The following KIR3DL1 variants were observed in gnomAD, a reference collection of about 807,000 sequenced individuals.
KIR3DL1 encodes killer cell immunoglobulin like receptor, three Ig domains and long cytoplasmic tail 1.
A neutral mutation model predicts 40.3 loss-of-function variants in KIR3DL1; 50 were observed. That is an observed-to-expected ratio of 1.24 (90% CI 0.99 to 1.57). The LOEUF is 1.57. KIR3DL1 is among the 40% of genes most tolerant of loss of function. KIR3DL1 has a pLI of 0.00. For synonymous variants in KIR3DL1, 257 were observed against 207.2 expected (o/e 1.24, Z -2.07); for missense variants, 661 against 559.9 (o/e 1.18, Z -1.82).
At position 54,817,948 on chromosome 19, in the gene KIR3DL1, G is replaced by A. The variant is rs2061432281; in HGVS notation, c.71-367G>A. Among the ~76,000 whole-genome samples, 5 of 147,568 alleles carry A rather than the reference G, an allele frequency of 3.4e-5. No homozygotes were observed. In the South Asian group the frequency reaches 1.1e-3, roughly 32 times the overall value. On this transcript the variant is annotated intron_variant, in intron 2 of 8. Transcript: ENST00000391728. ...CGGTCTTTCTACCAGAAAAGGTGAGGAAACCACAGCCATGGCCCTGACATT... is the reference window on the plus strand; with the variant it reads ...CGGTCTTTCTACCAGAAAAGGTGAGAAAACCACAGCCATGGCCCTGACATT...
rs1338416256 is a variant in KIR3DL1, at chr19:54,830,040, G to A, written c.1159-59G>A. The A allele has an allele frequency of 7.9e-6, 12 of 1,521,904 alleles. 3 individuals are homozygous for A. The highest frequency in any genetic ancestry group is 1.8e-5 in the Admixed American group (1 of 55,348). 94.3% of individuals were successfully genotyped at this position (1,521,904 alleles called of 1,614,324 possible). A position where few individuals can be genotyped will look rare whatever the true frequency, so the allele number is the denominator to read the frequency against. On this transcript the variant is annotated intron_variant, in intron 8 of 8. Coordinates refer to ENST00000391728, the Ensembl canonical transcript of KIR3DL1. ...TTATTCCCAAACAGTCCTGGAAAAC[G>A]TGAGCACCCTCCCTCACTCAGCATT...
At chr19:54,825,205 C>T in intron 6 of KIR3DL1, 127 bp downstream of exon 6, 1 of 755,002 alleles carries the variant, frequency 1.3e-6, no homozygotes, top group Non-Finnish European at 2.3e-6. Context: ...CTCTGAACTC[C>T]AGACACTCCA....
intron 6 of KIR3DL1, among the ~76,000 whole-genome samples, chr19:54,826,714 C>T (rs1244626836): frequency 6.7e-5 from 10 of 148,874 alleles, no homozygotes; most frequent in African/African-American, 2.5e-4. Flanking sequence ...TAATGAAAAA[C>T]ACGGATTGAA....
At chr19:54,820,476 C>T (rs1230243819) in intron 4 of KIR3DL1, among the ~76,000 whole-genome samples, 1 of 151,538 alleles carries the variant, frequency 6.6e-6, no homozygotes, top group African/African-American at 2.4e-5. Flanking sequence ...ACACCTCTGC[C>T]TTCCATGCAA....
At chr19:54,827,380 CA>C (rs2061957105) in intron 6 of KIR3DL1, among the ~76,000 whole-genome samples, 1 of 150,644 alleles carries the variant, frequency 6.6e-6, no homozygotes, top group Non-Finnish European at 1.5e-5. Flanking sequence ...TCCAAGAAGT[CA>C]GGAGTTCGAG....
chr19:54,819,620 C>G lies in KIR3DL1; in HGVS notation c.356-93C>G, dbSNP rs563696425. On this transcript the variant is annotated intron_variant, in intron 3 of 8. Coordinates refer to ENST00000391728, the Ensembl canonical transcript of KIR3DL1. ...GAGATGCAGAGAGGGAGGAGAGAGA[C>G]AGACACGGGGAGGGGAACCCTCACT... 473 of 1,419,240 alleles carry G rather than the reference C, an allele frequency of 3.3e-4. 15 individuals are homozygous for G. The South Asian group carries it at 3.6e-3, about 11-fold the overall frequency. 87.9% of individuals were successfully genotyped at this position (1,419,240 alleles called of 1,614,324 possible).
At chr19:54,819,786 A>G (rs2061536961) in exon 4 of KIR3DL1, 1 of 1,611,436 alleles carries the variant, frequency 6.2e-7, no homozygotes, top group Non-Finnish European at 8.5e-7. Flanking sequence ...TCATCCTGCA[A>G]TGTTGGTCAG....
chr19:54,821,772 G>A lies in KIR3DL1; in HGVS notation c.863G>A (p.Gly288Glu). The change falls in exon 5 of 9, where the codon GGA becomes GAA. Residue 288 changes from glycine to glutamate, a missense_variant. By Grantham distance (98) the Gly-to-Glu change is moderately conservative. Around this residue, in one of 3 missense-constraint regions of KIR3DL1, gnomAD observed 548 missense variants for 413.3 expected, o/e 1.33. Coordinates refer to ENST00000391728, the Ensembl canonical transcript of KIR3DL1. ...TTCCCTCTGGGCCCTGCCACCCACG[G>A]AGGGACCTACAGATGCTTCGGCTCT... 1.9e-6 allele frequency: 3 copies of A among 1,607,690 alleles called. 1 individual carries two copies. The East Asian group carries it at 6.7e-5, about 36-fold the overall frequency.
rs147136106 is a variant in KIR3DL1 at position 54,830,385 on chromosome 19, T to G, written c.*110T>G. 6,275 of 1,252,948 alleles carry G rather than the reference T, an allele frequency of 5.0e-3. 1,332 individuals carry two copies. The East Asian group carries it at 0.13, about 25-fold the overall frequency. 77.6% of individuals were successfully genotyped at this position (1,252,948 alleles called of 1,614,324 possible). A position where few individuals can be genotyped will look rare whatever the true frequency, so the allele number is the denominator to read the frequency against. On this transcript the variant is annotated 3_prime_UTR_variant, in exon 9 of 9. Coordinates refer to ENST00000391728, the Ensembl canonical transcript of KIR3DL1. Reference sequence around the variant, plus strand: ...AGCTGGAATCTGAAGGCGTGAGTCTTCATCTTAGGGCATCGCTCCTCCTCA... The same window carrying G: ...AGCTGGAATCTGAAGGCGTGAGTCTGCATCTTAGGGCATCGCTCCTCCTCA...
At chr19:54,825,860 A>C (rs35667877) in intron 6 of KIR3DL1, among the ~76,000 whole-genome samples, 11 of 145,426 alleles carry the variant, frequency 7.6e-5, no homozygotes, top group African/African-American at 2.9e-4. Context: ...GCCCACAAAG[A>C]CTGGTCACAT....
Position 54,828,923 on chromosome 19 carries a change from C to T in KIR3DL1, c.1001-438C>T, listed in dbSNP as rs1015745275. Among the ~76,000 whole-genome samples, 42 of 141,446 alleles carry T rather than the reference C, an allele frequency of 3.0e-4. 3 individuals carry two copies. Among genetic ancestry groups the T allele is most frequent in the African/African-American group, 9.6e-4 (38 of 39,420 alleles). The allele number at this position is 141,446 out of a possible 152,430, so 92.8% of individuals were successfully genotyped here. On this transcript the variant is annotated intron_variant, in intron 6 of 8. Coordinates refer to ENST00000391728, the Ensembl canonical transcript of KIR3DL1. ...CTGTGCAGAGACCACAGAGATCACA[C>T]GGCAAGAGAGGGAGCAAGGGGGAGG...
At chr19:54,822,178 G>A (rs2061673377) in intron 5 of KIR3DL1, among the ~76,000 whole-genome samples, 1 of 151,148 alleles carries the variant, frequency 6.6e-6, no homozygotes, top group Admixed American at 6.6e-5. Flanking sequence ...TTTCCCAGAA[G>A]CCCATCATGG....
chr19:54,824,023 T>C (rs2061765052), intron 5 of KIR3DL1, among the ~76,000 whole-genome samples: 1 of 151,364 alleles, frequency 6.6e-6, no homozygotes, highest in African/African-American at 2.4e-5. Flanking sequence ...AGTTTGCAAA[T>C]ATTTGCTCCT....
chr19:54,821,447 T>TGA (rs765148884), intron 4 of KIR3DL1, 118 bp from the exon 5 acceptor site: 3,562 of 1,100,164 alleles, frequency 3.2e-3, no homozygotes, highest in Non-Finnish European at 3.8e-3. Flanking sequence ...GGGTGGAGGG[T>TGA]GAGAGAGAGA....
intron 3 of KIR3DL1, among the ~76,000 whole-genome samples, chr19:54,818,998 C>A (rs368131663): frequency 6.8e-6 from 1 of 147,986 alleles, no homozygotes; most frequent in African/African-American, 2.5e-5. Flanking sequence ...TCAGCCACTG[C>A]GGGCTTTGAA....
At chr19:54,829,207 C>T (rs1177607298) in intron 6 of KIR3DL1, among the ~76,000 whole-genome samples, 154 bp from the exon 7 acceptor site, 6 of 143,406 alleles carry the variant, frequency 4.2e-5, no homozygotes, top group African/African-American at 1.0e-4. Context: ...AGAGCTATAA[C>T]TGAGAAAGCA....
intron 4 of KIR3DL1, among the ~76,000 whole-genome samples, 181 bp downstream of exon 4, chr19:54,820,193 T>C (rs2061566337): frequency 1.3e-5 from 2 of 151,076 alleles, no homozygotes; most frequent in South Asian, 4.2e-4. Context: ...AGAACAGGTG[T>C]CATAACAGAG....
chr19:54,823,183 C>T (rs600972), intron 5 of KIR3DL1, among the ~76,000 whole-genome samples: 28,237 of 150,448 alleles, frequency 0.19, 3,160 homozygotes, highest in South Asian at 0.32. Flanking sequence ...TACAGGTGCA[C>T]GCCACCATGC....
rs562521623 is a variant in KIR3DL1 at position 54,823,745 on chromosome 19, G to A, written c.950-1283G>A. On this transcript the variant is annotated intron_variant, in intron 5 of 8. Transcript: ENST00000391728. Reference sequence around the variant, plus strand: ...GACCTCAGGTGATCCGCCCACCTCCGCCTCCTGAAGTGCCGGAATTACAGG... The same window carrying A: ...GACCTCAGGTGATCCGCCCACCTCCACCTCCTGAAGTGCCGGAATTACAGG... 4.7e-4 allele frequency among the ~76,000 whole-genome samples: 71 copies of A among 151,542 alleles called. 3 individuals are homozygous for A. The highest frequency in any genetic ancestry group is 9.2e-4 in the Admixed American group (14 of 15,228).
Sources: allele counts gnomAD v4.1 joint callset (sites outside exome capture counted in the v4.1 genomes callset), GRCh38; gene constraint gnomAD v4.1.1; regional missense constraint gnomAD v4.1.1; transcripts MANE v1.5; gene names NCBI Gene and HGNC (gene_info 2026-07-23, HGNC 2026-07-21).